CHCHD3: variants seen among roughly 807,000 people sequenced by gnomAD.
CHCHD3 encodes coiled-coil-helix-coiled-coil-helix domain containing 3, also known as MICOS complex subunit MIC19.
In CHCHD3, 20 loss-of-function variants were observed where a neutral mutation model predicts 38.2. That is an observed-to-expected ratio of 0.52 (90% CI 0.37 to 0.76). CHCHD3 has a LOEUF of 0.76. Among genes scored for constraint, CHCHD3 ranks in the 30% least tolerant of loss-of-function variants. The probability of loss-of-function intolerance (pLI) is 0.00; values close to 1 mark genes in which losing one functional copy is unlikely to be tolerated. For synonymous variants in CHCHD3, 82 were observed against 100.0 expected (o/e 0.82, Z 1.07); for missense variants, 245 against 279.2 (o/e 0.88, Z 0.87).
intron 3 of CHCHD3, among the ~76,000 whole-genome samples, chr7:133,017,284 C>T (rs1009274527): frequency 6.6e-5 from 10 of 152,150 alleles, no homozygotes; most frequent in Middle Eastern, 3.2e-3. Context: ...TAGAGCAATG[C>T]GGCAGGCCAA....
intron 3 of CHCHD3, among the ~76,000 whole-genome samples, chr7:133,013,530 C>T (rs1383231356): frequency 6.6e-6 from 1 of 152,134 alleles, no homozygotes; most frequent in Non-Finnish European, 1.5e-5. Context: ...TTAGCTATTA[C>T]TATTACAAAT....
At chr7:132,957,736 T>A (rs1811218903) in intron 4 of CHCHD3, among the ~76,000 whole-genome samples, 1 of 152,094 alleles carries the variant, frequency 6.6e-6, no homozygotes, top group African/African-American at 2.4e-5. Context: ...CACCTCAGCC[T>A]CCCAAAGTGC....
intron 5 of CHCHD3, among the ~76,000 whole-genome samples, chr7:132,845,839 G>A (rs1462250590): frequency 6.6e-5 from 10 of 152,078 alleles, no homozygotes; most frequent in Non-Finnish European, 1.3e-4. Flanking sequence ...TTCTCAAAGC[G>A]GCATTTTCTT....
chr7:132,984,680 G>A (rs573940354), intron 3 of CHCHD3, among the ~76,000 whole-genome samples: 16 of 149,876 alleles, frequency 1.1e-4, no homozygotes, highest in African/African-American at 3.2e-4. Flanking sequence ...CTGCCGCCCC[G>A]TCTGGGATGT....
chr7:132,937,989 A>T (rs1201081800), intron 4 of CHCHD3, among the ~76,000 whole-genome samples: 1 of 152,242 alleles, frequency 6.6e-6, no homozygotes, highest in Non-Finnish European at 1.5e-5. Context: ...TTAATTCATT[A>T]AAAACCTGTA....
chr7:133,028,399 T>C (rs1735693224), intron 2 of CHCHD3, among the ~76,000 whole-genome samples: 1 of 152,164 alleles, frequency 6.6e-6, no homozygotes, highest in African/African-American at 2.4e-5. Flanking sequence ...ATTGTTGTCT[T>C]GGGTTTTTTG....
chr7:133,058,354 C>T (rs765598635), intron 2 of CHCHD3, among the ~76,000 whole-genome samples: 6 of 151,984 alleles, frequency 3.9e-5, no homozygotes, highest in East Asian at 1.9e-4. Flanking sequence ...GATCCTCCTG[C>T]CTTGGTCTCC....
At chr7:132,832,602 T>A (rs1342653124) in intron 6 of CHCHD3, among the ~76,000 whole-genome samples, 2 of 152,266 alleles carry the variant, frequency 1.3e-5, no homozygotes, top group African/African-American at 4.8e-5. Context: ...GCTTTTCATT[T>A]GTTTACTATC....
chr7:132,873,833 ATAATT>A (rs961276271), intron 5 of CHCHD3, among the ~76,000 whole-genome samples: 38 of 152,282 alleles, frequency 2.5e-4, no homozygotes, highest in Middle Eastern at 3.4e-3. Flanking sequence ...ACTTAGACAA[ATAATT>A]TAATTTATTT....
intron 3 of CHCHD3, among the ~76,000 whole-genome samples, chr7:132,976,227 TG>T (rs1184380905): frequency 6.6e-6 from 1 of 152,224 alleles, no homozygotes; most frequent in African/African-American, 2.4e-5. Context: ...TCCTCACTTC[TG>T]GAATGACTCC....
At chr7:133,039,991 GA>G (rs1243233995) in intron 2 of CHCHD3, among the ~76,000 whole-genome samples, 1 of 152,100 alleles carries the variant, frequency 6.6e-6, no homozygotes, top group Non-Finnish European at 1.5e-5. Context: ...TTACATGAGA[GA>G]AAAATAAAAT....
chr7:133,050,131 AAGG>A (rs1262545187), intron 2 of CHCHD3, among the ~76,000 whole-genome samples: 1 of 151,660 alleles, frequency 6.6e-6, no homozygotes, highest in Non-Finnish European at 1.5e-5. Flanking sequence ...AGGATCACTT[AAGG>A]CCAGGAGTTC....
intron 4 of CHCHD3, among the ~76,000 whole-genome samples, chr7:132,913,555 T>C (rs1810018842): frequency 6.6e-6 from 1 of 152,330 alleles, no homozygotes; most frequent in South Asian, 2.1e-4. Flanking sequence ...CAAGAGTACC[T>C]GAACAGTCTT....
intron 4 of CHCHD3, chr7:132,972,504 G>A (rs1436344115): frequency 2.4e-5 from 20 of 826,100 alleles, no homozygotes; most frequent in South Asian, 1.6e-4. Context: ...GTATCCCTTT[G>A]TATTTATTTT....
At chr7:133,055,942 A>C (rs1406857240) in intron 2 of CHCHD3, among the ~76,000 whole-genome samples, 1 of 152,004 alleles carries the variant, frequency 6.6e-6, no homozygotes, top group African/African-American at 2.4e-5. Context: ...CCCAAGAGTT[A>C]GAGACCAGCC....
At chr7:132,972,481 T>G in intron 4 of CHCHD3, 1 of 678,906 alleles carries the variant, frequency 1.5e-6, no homozygotes, top group Non-Finnish European at 1.8e-6. Context: ...TTGTAGTACA[T>G]TGAGTGATTT....
At chr7:132,966,824 T>G (rs144482645) in intron 4 of CHCHD3, among the ~76,000 whole-genome samples, 65 of 152,346 alleles carry the variant, frequency 4.3e-4, no homozygotes, top group African/African-American at 1.4e-3. Flanking sequence ...TATGCTTAAC[T>G]TTTAATTTGT....
chr7:132,995,121 A>G (rs1280194778), intron 3 of CHCHD3, among the ~76,000 whole-genome samples: 1 of 152,250 alleles, frequency 6.6e-6, no homozygotes, highest in Non-Finnish European at 1.5e-5. Context: ...TGGTAGAAAC[A>G]TGTATAGAAA....
intron 6 of CHCHD3, among the ~76,000 whole-genome samples, chr7:132,808,861 A>T: frequency 6.7e-6 from 1 of 149,954 alleles, no homozygotes; most frequent in African/African-American, 2.4e-5. Context: ...CATTAGGTAT[A>T]TCTCCCAATG....
Sources: gnomAD v4.1 joint callset for allele counts (sites outside exome capture counted in the v4.1 genomes callset) on GRCh38, gnomAD v4.1.1 for gene constraint, MANE v1.5 for transcripts, NCBI Gene and HGNC (gene_info 2026-07-23, HGNC 2026-07-21) for gene names.